The following TSPAN15 variants were observed in gnomAD, a reference collection of about 807,000 sequenced individuals.
TSPAN15 encodes the protein tetraspanin 15.
Under a neutral mutation model 34.5 loss-of-function variants are expected in TSPAN15, and 20 were observed. That is an observed-to-expected ratio of 0.58 (90% CI 0.41 to 0.84). TSPAN15 has a LOEUF of 0.84. TSPAN15 is among the 40% of genes least tolerant of loss of function. TSPAN15 has a pLI of 0.00. For missense variants in TSPAN15, 313 were observed against 386.1 expected, an observed-to-expected ratio of 0.81 and a Z score of 1.59; for synonymous variants, 155 against 153.9, an observed-to-expected ratio of 1.01 and a Z score of -0.05.
At chr10:69,473,308 C>T (rs1448485700) in intron 1 of TSPAN15, among the ~76,000 whole-genome samples, 1 of 152,016 alleles carries the variant, frequency 6.6e-6, no homozygotes, top group African/African-American at 2.4e-5. Context: ...GGGTATGAGC[C>T]CCTTTTGGCT....
rs543378159 is a variant in TSPAN15, at chr10:69,455,900, C to T, written c.96+4210C>T. Reference sequence around the variant, plus strand: ...CAGAATGGACAGCAGAAGGCAGATACCCCTCAAACCCTCTTCTAGGCACTA... The same window carrying T: ...CAGAATGGACAGCAGAAGGCAGATATCCCTCAAACCCTCTTCTAGGCACTA... On this transcript the variant is annotated intron_variant, in intron 1 of 7. Transcript: ENST00000373290. Among the ~76,000 whole-genome samples, 4 of 152,034 alleles carry T rather than the reference C, an allele frequency of 2.6e-5. No homozygotes were observed. The South Asian group carries it at 6.2e-4, about 24-fold the overall frequency.
chr10:69,523,440 C>T, the TSPAN15 span: 4 of 561,172 alleles, frequency 7.1e-6, 1 homozygote, highest in Non-Finnish European at 3.3e-6. Context: ...CAGAGGCTAG[C>T]AGTAACCTGG....
At chr10:69,496,836 G>C (rs565105208) in intron 4 of TSPAN15, among the ~76,000 whole-genome samples, 91 of 152,316 alleles carry the variant, frequency 6.0e-4, no homozygotes, top group Middle Eastern at 3.4e-3. Flanking sequence ...TGCCAGCTTG[G>C]GCTGGGAGAG....
At chr10:69,510,047 G>T (rs554977156), downstream of TSPAN15, among the ~76,000 whole-genome samples, 1 of 152,172 alleles carries the variant, frequency 6.6e-6, no homozygotes, top group Non-Finnish European at 1.5e-5. Context: ...GCTTAGGATT[G>T]TCTTGGCTAT....
At chr10:69,499,336 T>C (rs1842154257) in intron 5 of TSPAN15, among the ~76,000 whole-genome samples, 1 of 152,174 alleles carries the variant, frequency 6.6e-6, no homozygotes, top group South Asian at 2.1e-4. Flanking sequence ...CCAAGTGCAC[T>C]AGCTCTAAAA....
intron 5 of TSPAN15, among the ~76,000 whole-genome samples, chr10:69,503,305 T>A (rs78855907): frequency 0.033 from 5,070 of 152,182 alleles, 124 homozygotes; most frequent in Non-Finnish European, 0.049. Context: ...GAAGACACCC[T>A]CCCTTTCCTT....
At chr10:69,539,539 G>GC in the TSPAN15 span, among the ~76,000 whole-genome samples, 2 of 42,698 alleles carry the variant, frequency 4.7e-5, no homozygotes, top group African/African-American at 1.7e-4. Flanking sequence ...GAAGAAGAAG[G>GC]AGAAGGAGAA....
At chr10:69,484,516 C>G (rs920628536) in intron 2 of TSPAN15, among the ~76,000 whole-genome samples, 1 of 152,188 alleles carries the variant, frequency 6.6e-6, no homozygotes, top group Non-Finnish European at 1.5e-5. Flanking sequence ...GTAGGCAGAT[C>G]CATTCACTCT....
intron 5 of TSPAN15, among the ~76,000 whole-genome samples, chr10:69,502,153 AG>A (rs1842223968): frequency 6.6e-6 from 1 of 152,210 alleles, no homozygotes; most frequent in Non-Finnish European, 1.5e-5. Context: ...CCAGTTCTTC[AG>A]GGAAAGTAAC....
At position 69,468,886 on chromosome 10, in the gene TSPAN15, G is replaced by A. The variant is rs140974831; in HGVS notation, c.97-14805G>A. Among the ~76,000 whole-genome samples, 38 of 152,302 alleles carry A rather than the reference G, an allele frequency of 2.5e-4. No homozygotes were observed. In the East Asian group the frequency reaches 5.2e-3, roughly 21 times the overall value. On this transcript the variant is annotated intron_variant, in intron 1 of 7. Coordinates refer to ENST00000373290, the MANE Select transcript of TSPAN15 (RefSeq NM_012339.5). Reference sequence around the variant, plus strand: ...TTCTTTGTCCCCAGTTCCTGGCACAGAGCTCTTAAAACCCTTGGAATTTCC... The same window carrying A: ...TTCTTTGTCCCCAGTTCCTGGCACAAAGCTCTTAAAACCCTTGGAATTTCC...
At chr10:69,537,308 A>C in the TSPAN15 span, among the ~76,000 whole-genome samples, 1 of 152,194 alleles carries the variant, frequency 6.6e-6, no homozygotes, top group African/African-American at 2.4e-5. Context: ...AAAGATCAAA[A>C]TATAATATCT....
At chr10:69,457,703 G>A (rs929346256) in intron 1 of TSPAN15, among the ~76,000 whole-genome samples, 1 of 152,176 alleles carries the variant, frequency 6.6e-6, no homozygotes, top group Non-Finnish European at 1.5e-5. Flanking sequence ...TGTGGGCTGT[G>A]TACCAGGTTG....
At chr10:69,502,668 A>G (rs909266991) in intron 5 of TSPAN15, among the ~76,000 whole-genome samples, 1 of 152,066 alleles carries the variant, frequency 6.6e-6, no homozygotes, top group Non-Finnish European at 1.5e-5. Context: ...TGGAAAGACT[A>G]TGGATGCATC....
the TSPAN15 span, among the ~76,000 whole-genome samples, chr10:69,541,871 A>G: frequency 0.12 from 18,448 of 152,176 alleles, 1,414 homozygotes; most frequent in South Asian, 0.16. Flanking sequence ...TTCCCTCCTA[A>G]GCCCCTGGGC....
chr10:69,529,241 C>T, the TSPAN15 span, among the ~76,000 whole-genome samples: 1 of 147,526 alleles, frequency 6.8e-6, no homozygotes, highest in African/African-American at 2.5e-5. Context: ...TGGAGAATTC[C>T]CACCGCAACT....
the TSPAN15 span, among the ~76,000 whole-genome samples, chr10:69,532,157 A>G: frequency 6.6e-6 from 1 of 152,206 alleles, no homozygotes. Context: ...AAATACCATC[A>G]TCATTCTTCA....
intron 1 of TSPAN15, among the ~76,000 whole-genome samples, chr10:69,472,798 C>T (rs1189799572): frequency 1.3e-5 from 2 of 152,208 alleles, no homozygotes; most frequent in African/African-American, 4.8e-5. Flanking sequence ...GTTTGTTTGG[C>T]CATTGTGAAC....
chr10:69,532,621 C>T, the TSPAN15 span, among the ~76,000 whole-genome samples: 16 of 152,204 alleles, frequency 1.1e-4, no homozygotes, highest in African/African-American at 3.4e-4. Flanking sequence ...TTGGCTTAGG[C>T]GAGGATTTCA....
chr10:69,473,066 G>A (rs1397988575), intron 1 of TSPAN15, among the ~76,000 whole-genome samples: 1 of 152,216 alleles, frequency 6.6e-6, no homozygotes, highest in African/African-American at 2.4e-5. Flanking sequence ...CTACCAGCAA[G>A]GGCTTCCCAT....
Sources: allele counts gnomAD v4.1 joint callset (sites outside exome capture counted in the v4.1 genomes callset), GRCh38; gene constraint gnomAD v4.1.1; transcripts MANE v1.5; gene names NCBI Gene and HGNC (gene_info 2026-07-23, HGNC 2026-07-21).